Variants in PARVA observed in about 807,000 individuals in gnomAD.
PARVA encodes the protein alpha-parvin.
In PARVA, 25 loss-of-function variants were observed where a neutral mutation model predicts 52.6. That is an observed-to-expected ratio of 0.48 (90% CI 0.35 to 0.66). The LOEUF (loss-of-function observed/expected upper bound fraction) is 0.66, where lower values mean the gene tolerates loss of function less well. Among genes scored for constraint, PARVA ranks in the 30% least tolerant of loss-of-function variants. PARVA has a pLI of 0.01. For synonymous variants in PARVA, 185 were observed against 179.1 expected (o/e 1.03, Z -0.26); for missense variants, 373 against 450.9 (o/e 0.83, Z 1.56).
chr11:12,393,954 T>C (rs1263412731), intron 1 of PARVA, among the ~76,000 whole-genome samples: 2 of 152,166 alleles, frequency 1.3e-5, no homozygotes, highest in African/African-American at 4.8e-5. Flanking sequence ...ATATAACTAT[T>C]ATGTGGTTGC....
chr11:12,430,817 T>A (rs985379340), intron 1 of PARVA, among the ~76,000 whole-genome samples: 1 of 152,206 alleles, frequency 6.6e-6, no homozygotes, highest in Admixed American at 6.5e-5. Context: ...TGATCTCACC[T>A]CCTAAAAGAA....
chr11:12,399,169 A>G (rs1939791068), intron 1 of PARVA, among the ~76,000 whole-genome samples: 1 of 152,224 alleles, frequency 6.6e-6, no homozygotes, highest in South Asian at 2.1e-4. Context: ...TTCTATAGAA[A>G]AGTTTTCCAA....
At chr11:12,418,122 T>C (rs1278632941) in intron 1 of PARVA, among the ~76,000 whole-genome samples, 2 of 151,748 alleles carry the variant, frequency 1.3e-5, no homozygotes, top group African/African-American at 2.4e-5. Context: ...AGGAACCGAA[T>C]TCCTGCCACA....
chr11:12,504,500 G>A (rs902633819), intron 6 of PARVA, 71 bp downstream of exon 6: 19 of 891,242 alleles, frequency 2.1e-5, no homozygotes, highest in Admixed American at 1.8e-4. Context: ...ATGGTGCGTC[G>A]AGTAGGTCAT....
intron 8 of PARVA, among the ~76,000 whole-genome samples, chr11:12,512,489 C>T (rs1298213363): frequency 6.6e-6 from 1 of 152,144 alleles, no homozygotes; most frequent in Non-Finnish European, 1.5e-5. Flanking sequence ...GACCCTTCTC[C>T]TTTCCTGAGT....
rs1015753234 is a variant in PARVA, at chr11:12,530,365, AC to A, written c.*2441del. ...AAAAGAGGAATCAAGAATAAATAAA[AC>A]AAACTTAATCTTCATCTTTAAAAAA... On this transcript the variant is annotated 3_prime_UTR_variant, in exon 13 of 13. Coordinates refer to ENST00000334956, the MANE Select transcript of PARVA (RefSeq NM_018222.5). 21 of 152,210 alleles carry A rather than the reference AC, an allele frequency of 1.4e-4. No individual in the cohort carries two copies. Among genetic ancestry groups the A allele is most frequent in the African/African-American group, 5.1e-4 (21 of 41,442 alleles). The allele number at this position is 152,210 out of a possible 1,614,324, so 9.4% of individuals were successfully genotyped here. A position where few individuals can be genotyped will look rare whatever the true frequency, so the allele number is the denominator to read the frequency against.
At chr11:12,500,288 A>G (rs1941348366) in intron 5 of PARVA, among the ~76,000 whole-genome samples, 1 of 152,088 alleles carries the variant, frequency 6.6e-6, no homozygotes, top group Non-Finnish European at 1.5e-5. Context: ...TTGCACAGTG[A>G]GGCCTGGGCG....
At position 12,440,940 on chromosome 11, in the gene PARVA, C is replaced by A. The variant is rs575614479; in HGVS notation, c.137-32805C>A. Among the ~76,000 whole-genome samples the A allele has an allele frequency of 2.6e-5, 4 of 152,348 alleles. No homozygotes were observed. In the East Asian group the frequency reaches 7.7e-4, roughly 29 times the overall value. ...AGGGTAACTCAAATCAAAACTAGTA[C>A]CCATGATTACATCTACATAATCCCT... On this transcript the variant is annotated intron_variant, in intron 1 of 12. Transcript: ENST00000334956.
intron 1 of PARVA, among the ~76,000 whole-genome samples, chr11:12,446,848 A>T (rs1379189739): frequency 6.6e-6 from 1 of 152,200 alleles, no homozygotes; most frequent in Non-Finnish European, 1.5e-5. Context: ...TACATTCTCA[A>T]TGTAGCCAGG....
At chr11:12,515,491 G>A (rs1941556814) in intron 10 of PARVA, among the ~76,000 whole-genome samples, 1 of 152,192 alleles carries the variant, frequency 6.6e-6, no homozygotes, top group Non-Finnish European at 1.5e-5. Flanking sequence ...GGAGTGCTAT[G>A]ACAGGGGTCA....
At chr11:12,456,699 GA>G (rs1940702257) in intron 1 of PARVA, among the ~76,000 whole-genome samples, 1 of 152,000 alleles carries the variant, frequency 6.6e-6, no homozygotes. Context: ...TTCACCTGGT[GA>G]ACTCCTAATC....
At chr11:12,491,222 G>A (rs1255152557) in intron 4 of PARVA, among the ~76,000 whole-genome samples, 2 of 152,154 alleles carry the variant, frequency 1.3e-5, no homozygotes, top group Non-Finnish European at 2.9e-5. Context: ...GAGTACAGTG[G>A]CACAATCACA....
chr11:12,418,359 G>A (rs1940099841), intron 1 of PARVA, among the ~76,000 whole-genome samples: 2 of 152,206 alleles, frequency 1.3e-5, no homozygotes, highest in Non-Finnish European at 1.5e-5. Flanking sequence ...TTTGGGTCTT[G>A]CCCTTCCATC....
intron 5 of PARVA, among the ~76,000 whole-genome samples, chr11:12,498,540 T>C (rs906772790): frequency 6.6e-6 from 1 of 151,544 alleles, no homozygotes; most frequent in African/African-American, 2.4e-5. Context: ...GTTACATCAC[T>C]GCATCATTTT....
chr11:12,400,026 C>T (rs1282772281), intron 1 of PARVA, among the ~76,000 whole-genome samples: 1 of 151,848 alleles, frequency 6.6e-6, no homozygotes, highest in Non-Finnish European at 1.5e-5. Context: ...TCACTTGAGC[C>T]CAGGAGTTTG....
At chr11:12,380,534 C>T (rs1939469140) in intron 1 of PARVA, among the ~76,000 whole-genome samples, 1 of 150,934 alleles carries the variant, frequency 6.6e-6, no homozygotes, top group African/African-American at 2.5e-5. Flanking sequence ...GTGCTGAACC[C>T]AGTGGGAAGC....
intron 12 of PARVA, 64 bp downstream of exon 12, chr11:12,518,581 C>T: frequency 8.3e-7 from 1 of 1,202,848 alleles, no homozygotes; most frequent in South Asian, 1.3e-5. Flanking sequence ...CATGAGTACT[C>T]AGATTTTGTA....
Position 12,406,661 on chromosome 11 carries a change from G to GTTT in PARVA, c.136+28903_136+28905dup, listed in dbSNP as rs571973101. On this transcript the variant is annotated intron_variant, in intron 1 of 12. Transcript: ENST00000334956. Reference sequence around the variant, plus strand: ...ATTGTTAGCTATTTAGGTTGTATCTGTTTTTTTTTTTTTTTTTTTTTTTTT... The same window carrying GTTT: ...ATTGTTAGCTATTTAGGTTGTATCTGTTTTTTTTTTTTTTTTTTTTTTTTTTTT... 1.2e-3 allele frequency among the ~76,000 whole-genome samples: 91 copies of GTTT among 77,790 alleles called. 10 individuals are homozygous for GTTT. Among genetic ancestry groups the GTTT allele is most frequent in the African/African-American group, 2.2e-3 (41 of 18,482 alleles). The allele number at this position is 77,790 out of a possible 152,430, so 51.0% of individuals were successfully genotyped here. A position where few individuals can be genotyped will look rare whatever the true frequency, so the allele number is the denominator to read the frequency against.
chr11:12,522,195 T>C (rs1033588202), intron 12 of PARVA, among the ~76,000 whole-genome samples: 1 of 152,136 alleles, frequency 6.6e-6, no homozygotes, highest in Admixed American at 6.5e-5. Flanking sequence ...GTAGACTAGC[T>C]ACATAAATTG....
Sources: allele counts gnomAD v4.1 joint callset (sites outside exome capture counted in the v4.1 genomes callset), GRCh38; gene constraint gnomAD v4.1.1; transcripts MANE v1.5; gene names NCBI Gene and HGNC (gene_info 2026-07-23, HGNC 2026-07-21).